The following PARM1 variants were observed in gnomAD, a reference collection of about 807,000 sequenced individuals.
PARM1 encodes prostate androgen-regulated mucin-like protein 1.
A neutral mutation model predicts 24.6 loss-of-function variants in PARM1; 14 were observed. That is an observed-to-expected ratio of 0.57 (90% CI 0.38 to 0.89). The LOEUF (loss-of-function observed/expected upper bound fraction) is 0.89, where lower values mean the gene tolerates loss of function less well. Ranked by LOEUF, PARM1 falls within the 40% of genes least tolerant of loss-of-function variation. The probability of loss-of-function intolerance (pLI) is 0.00; values close to 1 mark genes in which losing one functional copy is unlikely to be tolerated. For synonymous variants in PARM1, 179 were observed against 156.6 expected, an observed-to-expected ratio of 1.14 and a Z score of -1.07; for missense variants, 362 against 380.4, an observed-to-expected ratio of 0.95 and a Z score of 0.40.
intron 1 of PARM1, among the ~76,000 whole-genome samples, chr4:74,945,590 T>A (rs137981252): frequency 9.2e-5 from 14 of 152,338 alleles, no homozygotes; most frequent in Non-Finnish European, 1.9e-4. Context: ...AAATCATTGA[T>A]CAGGATAACC....
intron 1 of PARM1, among the ~76,000 whole-genome samples, chr4:74,949,470 G>A (rs62314873): frequency 0.032 from 4,846 of 152,144 alleles, 99 homozygotes; most frequent in Non-Finnish European, 0.048. Context: ...CCGCCACCAC[G>A]CCTGGCTAAT....
intron 1 of PARM1, among the ~76,000 whole-genome samples, chr4:74,936,619 A>G (rs900361368): frequency 6.6e-6 from 1 of 151,290 alleles, no homozygotes; most frequent in Admixed American, 6.6e-5. Flanking sequence ...ACACCCGTCT[A>G]ATTTTTTTTG....
At chr4:74,940,647 T>A (rs779560146) in intron 1 of PARM1, among the ~76,000 whole-genome samples, 4 of 152,216 alleles carry the variant, frequency 2.6e-5, no homozygotes, top group Non-Finnish European at 4.4e-5. Context: ...ATTGAAACCA[T>A]AGCACAATCC....
chr4:75,013,160 T>C lies in PARM1; in HGVS notation c.769+10T>C, dbSNP rs201342424. 49 of 1,602,990 alleles carry C rather than the reference T, an allele frequency of 3.1e-5. No individual in the cohort carries two copies. The highest frequency in any genetic ancestry group is 4.0e-5 in the Non-Finnish European group (47 of 1,174,156). On this transcript the variant is annotated intron_variant, in intron 2 of 3. Coordinates refer to ENST00000307428, the MANE Select transcript of PARM1 (RefSeq NM_015393.4). ...CATGCATTAAGTTCAGGTGAGTCTC[T>C]ATCCAGTCCACTAGTTTTCTTTACT...
At chr4:74,935,380 T>A (rs1287593643) in intron 1 of PARM1, among the ~76,000 whole-genome samples, 1 of 152,196 alleles carries the variant, frequency 6.6e-6, no homozygotes, top group Admixed American at 6.5e-5. Flanking sequence ...AATATAAAAA[T>A]TGGCATAAAT....
chr4:75,007,421 A>C (rs1722792856), intron 1 of PARM1, among the ~76,000 whole-genome samples: 1 of 152,170 alleles, frequency 6.6e-6, no homozygotes, highest in Non-Finnish European at 1.5e-5. Flanking sequence ...GTCACAGGGC[A>C]GGAGTTCTAG....
chr4:74,996,306 C>A (rs1295536180), intron 1 of PARM1, among the ~76,000 whole-genome samples: 3 of 152,134 alleles, frequency 2.0e-5, no homozygotes, highest in Non-Finnish European at 4.4e-5. Context: ...TTATTCCCAA[C>A]AATTAGCATG....
At chr4:74,994,292 C>T (rs145225051) in intron 1 of PARM1, 71 of 152,264 alleles carry the variant, frequency 4.7e-4, no homozygotes, top group African/African-American at 1.6e-3. Context: ...CCAAATTAAG[C>T]CACTTATACT....
At chr4:75,003,413 G>A (rs576252663) in intron 1 of PARM1, among the ~76,000 whole-genome samples, 4 of 152,166 alleles carry the variant, frequency 2.6e-5, no homozygotes, top group South Asian at 2.1e-4. Context: ...TCACAGCACC[G>A]TGGGGAGCCT....
Position 74,964,407 on chromosome 4 carries a change from C to T in PARM1, c.43+31037C>T, listed in dbSNP as rs148321806. 2.3e-3 allele frequency among the ~76,000 whole-genome samples: 350 copies of T among 152,322 alleles called. 1 individual carries two copies. The highest frequency in any genetic ancestry group is 8.0e-3 in the African/African-American group (333 of 41,564). On this transcript the variant is annotated intron_variant, in intron 1 of 3. Coordinates refer to ENST00000307428, the MANE Select transcript of PARM1 (RefSeq NM_015393.4). ...ACATTCCTGCAGGCCCTGCTTTCAG[C>T]ATTGGTCTGTACTTTTCCTCTTTTT...
chr4:75,004,372 A>T (rs775663374), intron 1 of PARM1, among the ~76,000 whole-genome samples: 1 of 152,214 alleles, frequency 6.6e-6, no homozygotes, highest in Non-Finnish European at 1.5e-5. Flanking sequence ...CTGTCATTAG[A>T]GTCTGTGTGA....
intron 1 of PARM1, among the ~76,000 whole-genome samples, chr4:75,004,679 G>A (rs576694918): frequency 6.6e-6 from 1 of 152,212 alleles, no homozygotes; most frequent in South Asian, 2.1e-4. Flanking sequence ...AAAGACAGTA[G>A]GAATCCTGTG....
At chr4:75,030,500 C>T (rs942371638) in intron 2 of PARM1, among the ~76,000 whole-genome samples, 2 of 152,116 alleles carry the variant, frequency 1.3e-5, no homozygotes, top group African/African-American at 4.8e-5. Flanking sequence ...AAATGCAACC[C>T]TGAGGAATTC....
intron 1 of PARM1, among the ~76,000 whole-genome samples, chr4:74,976,800 G>A (rs560782035): frequency 2.0e-5 from 3 of 152,258 alleles, no homozygotes; most frequent in South Asian, 4.1e-4. Flanking sequence ...CTCCAGGTGC[G>A]GGAGGGACCC....
intron 1 of PARM1, among the ~76,000 whole-genome samples, chr4:74,936,021 T>C (rs1002620987): frequency 6.6e-6 from 1 of 151,950 alleles, no homozygotes; most frequent in Non-Finnish European, 1.5e-5. Context: ...TTTGTAGATA[T>C]GGGGGGTATT....
chr4:75,030,895 AGAG>A (rs942240231), intron 2 of PARM1, among the ~76,000 whole-genome samples: 7 of 152,122 alleles, frequency 4.6e-5, no homozygotes. Context: ...GAAAAATGTA[AGAG>A]GAGGAGGAGG....
chr4:75,009,675 T>A (rs1049685960), intron 1 of PARM1, among the ~76,000 whole-genome samples: 4 of 151,708 alleles, frequency 2.6e-5, no homozygotes, highest in African/African-American at 9.7e-5. Flanking sequence ...TGGAAAAGAG[T>A]GGAAAGATGT....
chr4:75,030,237 C>A (rs188620620), intron 2 of PARM1, among the ~76,000 whole-genome samples: 10 of 152,278 alleles, frequency 6.6e-5, no homozygotes, highest in African/African-American at 2.4e-4. Flanking sequence ...AATGCAAAAC[C>A]AGGACTAAAT....
intron 1 of PARM1, among the ~76,000 whole-genome samples, chr4:74,996,004 G>A (rs1174336066): frequency 6.6e-6 from 1 of 151,998 alleles, no homozygotes; most frequent in Non-Finnish European, 1.5e-5. Flanking sequence ...TCTCATGTCT[G>A]GGATTTTTGA....
Sources: gnomAD v4.1 joint callset for allele counts (sites outside exome capture counted in the v4.1 genomes callset) on GRCh38, gnomAD v4.1.1 for gene constraint, MANE v1.5 for transcripts, NCBI Gene and HGNC (gene_info 2026-07-23, HGNC 2026-07-21) for gene names.